EHBP1: variants seen among roughly 807,000 people sequenced by gnomAD.
The protein encoded by EHBP1 is EH domain binding protein 1, also known as EH domain-binding protein 1.
EHBP1 carries 55 observed loss-of-function variants against 144.0 expected under a neutral mutation model. That is an observed-to-expected ratio of 0.38 (90% CI 0.31 to 0.48). The LOEUF (loss-of-function observed/expected upper bound fraction) is 0.48, where lower values mean the gene tolerates loss of function less well. EHBP1 is among the 20% of genes least tolerant of loss of function. The pLI, the probability that EHBP1 is intolerant of heterozygous loss-of-function variation, is 0.98. For synonymous variants in EHBP1, 469 were observed against 472.7 expected, an observed-to-expected ratio of 0.99 and a Z score of 0.10; for missense variants, 1,200 against 1,364.2, an observed-to-expected ratio of 0.88 and a Z score of 1.90.
chr2:62,952,214 G>C (rs28702662), intron 13 of EHBP1, among the ~76,000 whole-genome samples: 1 of 152,128 alleles, frequency 6.6e-6, no homozygotes, highest in Non-Finnish European at 1.5e-5. Context: ...CACTGGATTG[G>C]CAAAAGTAAT....
At chr2:62,918,688 A>G (rs1440597797) in intron 10 of EHBP1, among the ~76,000 whole-genome samples, 1 of 152,186 alleles carries the variant, frequency 6.6e-6, no homozygotes, top group Non-Finnish European at 1.5e-5. Flanking sequence ...GATTCACTGA[A>G]AGCTAAAGTT....
chr2:62,710,134 T>C (rs1016924060), intron 2 of EHBP1, among the ~76,000 whole-genome samples: 1 of 152,154 alleles, frequency 6.6e-6, no homozygotes, highest in African/African-American at 2.4e-5. Context: ...TCTGTTCTTT[T>C]ATCATCTGTA....
intron 10 of EHBP1, among the ~76,000 whole-genome samples, chr2:62,933,121 TATTA>T (rs2056134774): frequency 6.6e-6 from 1 of 151,772 alleles, no homozygotes; most frequent in Admixed American, 6.6e-5. Flanking sequence ...TTTTAAATTT[TATTA>T]ATTTATTTAA....
chr2:62,855,741 C>T (rs887728519), intron 7 of EHBP1, among the ~76,000 whole-genome samples: 1 of 152,136 alleles, frequency 6.6e-6, no homozygotes, highest in Non-Finnish European at 1.5e-5. Flanking sequence ...GGACTACTTG[C>T]CTGCAGAGAG....
chr2:62,841,674 A>G (rs1042802648), intron 7 of EHBP1, among the ~76,000 whole-genome samples: 13 of 152,170 alleles, frequency 8.5e-5, no homozygotes, highest in African/African-American at 2.7e-4. Context: ...TTATTTTATA[A>G]TGATGGCAGC....
At chr2:62,950,656 G>A (rs1312166817) in intron 13 of EHBP1, among the ~76,000 whole-genome samples, 3 of 151,896 alleles carry the variant, frequency 2.0e-5, no homozygotes, top group South Asian at 2.1e-4. Context: ...TGGGGATTTC[G>A]AGACCAAAAA....
chr2:62,734,591 T>G (rs2037932351), intron 2 of EHBP1, among the ~76,000 whole-genome samples: 1 of 152,228 alleles, frequency 6.6e-6, no homozygotes, highest in African/African-American at 2.4e-5. Flanking sequence ...TTGGGTCTTG[T>G]TTTTTGAACC....
intron 19 of EHBP1, among the ~76,000 whole-genome samples, chr2:63,035,173 AT>A (rs1322251362): frequency 6.6e-6 from 1 of 152,078 alleles, no homozygotes; most frequent in African/African-American, 2.4e-5. Context: ...CAATAGTGTA[AT>A]GATGTATTAG....
chr2:62,919,828 A>G (rs2054922934), intron 10 of EHBP1, among the ~76,000 whole-genome samples: 1 of 152,184 alleles, frequency 6.6e-6, no homozygotes, highest in Admixed American at 6.5e-5. Flanking sequence ...AAAACTTTAA[A>G]AGAAATGAAA....
At chr2:62,769,218 T>C (rs1004053230) in intron 4 of EHBP1, among the ~76,000 whole-genome samples, 5 of 152,186 alleles carry the variant, frequency 3.3e-5, no homozygotes, top group African/African-American at 9.7e-5. Context: ...GAAGTCAGTT[T>C]ATCCCTGTTT....
At chr2:62,943,987 C>T (rs989344596) in intron 12 of EHBP1, 137 bp downstream of exon 12, 2 of 545,256 alleles carry the variant, frequency 3.7e-6, no homozygotes, top group African/African-American at 1.9e-5. Flanking sequence ...TACTGCGGTT[C>T]ATTAGGATAC....
intron 6 of EHBP1, among the ~76,000 whole-genome samples, chr2:62,827,692 G>C (rs1281446971): frequency 6.6e-6 from 1 of 150,992 alleles, no homozygotes; most frequent in Admixed American, 6.6e-5. Flanking sequence ...TTTTGAGACA[G>C]AGTCTCGCTC....
At chr2:62,951,701 T>C (rs1029460707) in intron 13 of EHBP1, among the ~76,000 whole-genome samples, 4 of 151,746 alleles carry the variant, frequency 2.6e-5, no homozygotes, top group African/African-American at 9.7e-5. Context: ...ATTTTTGTAT[T>C]TTTAGTAGAG....
chr2:63,038,060 T>C (rs1357380031), intron 20 of EHBP1, among the ~76,000 whole-genome samples: 1 of 152,130 alleles, frequency 6.6e-6, no homozygotes, highest in Non-Finnish European at 1.5e-5. Context: ...GGATAAAAGA[T>C]AAGTTACTAA....
At chr2:62,878,234 C>T (rs2051060204) in intron 10 of EHBP1, among the ~76,000 whole-genome samples, 1 of 152,046 alleles carries the variant, frequency 6.6e-6, no homozygotes, top group African/African-American at 2.4e-5. Context: ...GAGTAAATTA[C>T]TGGAAACACA....
intron 16 of EHBP1, among the ~76,000 whole-genome samples, chr2:62,991,178 A>T (rs1574386128): frequency 6.6e-6 from 1 of 151,658 alleles, no homozygotes; most frequent in African/African-American, 2.4e-5. Context: ...CCAGGAGTTC[A>T]AGGCTGCAGT....
At chr2:62,889,894 C>T (rs1370701277) in intron 10 of EHBP1, among the ~76,000 whole-genome samples, 1 of 150,200 alleles carries the variant, frequency 6.7e-6, no homozygotes, top group Non-Finnish European at 1.5e-5. Flanking sequence ...ATGCCTCTAG[C>T]TTTGTTCTTT....
chr2:62,938,278 T>G (rs1409989364), intron 10 of EHBP1, among the ~76,000 whole-genome samples: 1 of 152,210 alleles, frequency 6.6e-6, no homozygotes, highest in African/African-American at 2.4e-5. Context: ...ATCATCTGCA[T>G]GGAAGTAATA....
chr2:62,968,440 A>C (rs1008769033), intron 14 of EHBP1, among the ~76,000 whole-genome samples: 1 of 152,182 alleles, frequency 6.6e-6, no homozygotes, highest in Non-Finnish European at 1.5e-5. Context: ...CTGTATATAC[A>C]CATACAGAGA....
Sources: allele counts gnomAD v4.1 joint callset (sites outside exome capture counted in the v4.1 genomes callset), GRCh38; gene constraint gnomAD v4.1.1; transcripts MANE v1.5; gene names NCBI Gene and HGNC (gene_info 2026-07-23, HGNC 2026-07-21).